The following GPR137B variants were observed in gnomAD, a reference collection of about 807,000 sequenced individuals.
The protein encoded by GPR137B is integral membrane protein GPR137B.
In GPR137B, 42 loss-of-function variants were observed where a neutral mutation model predicts 42.5. The ratio of observed to expected loss-of-function variants is 0.99; its 90% CI spans 0.77 to 1.28. The LOEUF is 1.28. Among genes scored for constraint, GPR137B ranks in the 50% most tolerant of loss-of-function variants. GPR137B has a pLI of 0.00. For synonymous variants in GPR137B, 218 were observed against 209.7 expected, an observed-to-expected ratio of 1.04 and a Z score of -0.34; for missense variants, 487 against 493.9, an observed-to-expected ratio of 0.99 and a Z score of 0.13.
At chr1:236,192,786 G>A (rs1663230945) in intron 5 of GPR137B, among the ~76,000 whole-genome samples, 1 of 152,022 alleles carries the variant, frequency 6.6e-6, no homozygotes, top group South Asian at 2.1e-4. Context: ...TTCCTATTCG[G>A]CCATCTAATA....
At chr1:236,169,402 A>T (rs1662467753) in intron 2 of GPR137B, among the ~76,000 whole-genome samples, 3 of 152,270 alleles carry the variant, frequency 2.0e-5, no homozygotes, top group African/African-American at 7.2e-5. Flanking sequence ...CAGGGTATCC[A>T]TCCACATCCA....
In GPR137B at chr1:236,208,130, T is replaced by C. The variant is rs189463214; in HGVS notation, c.1172T>C (p.Leu391Ser). Residue 391 changes from leucine (L) to serine (S), a missense_variant, in exon 7 of 7, where the codon TTG becomes TCG. Transcript: ENST00000366592. The part of the protein sequence containing the change: ...AQAGTLQDST[L>S]DPDKPSLG The stretch of plus-strand genomic sequence containing the variant: ...GCAGGAACTTTGCAAGACTCAACTT[T>C]GGATCCTGACAAACCAAGCCTTGGG... 1.2e-6 allele frequency: 2 copies of C among 1,613,908 alleles called. No homozygotes were observed. Among genetic ancestry groups the C allele is most frequent in the East Asian group, 2.2e-5 (1 of 44,864 alleles).
chr1:236,143,146 A>G (rs993721972), intron 1 of GPR137B, 110 bp downstream of exon 1: 88 of 930,086 alleles, frequency 9.5e-5, no homozygotes, highest in Middle Eastern at 2.8e-4. Context: ...CCTAGGGCTG[A>G]GAGTGTAGGG....
chr1:236,175,866 T>C (rs956028418), intron 2 of GPR137B, among the ~76,000 whole-genome samples: 1 of 151,984 alleles, frequency 6.6e-6, no homozygotes, highest in Non-Finnish European at 1.5e-5. Flanking sequence ...TGGCTGAAGG[T>C]TGCATGCAAA....
Position 236,183,163 on chromosome 1 carries a change from G to A in GPR137B, c.838-615G>A, listed in dbSNP as rs141536412. On this transcript the variant is annotated intron_variant, in intron 4 of 6. Transcript: ENST00000366592. ...CCAAGCTCTCTGGCCATCTCACTGG[G>A]CCTCATACCAAACACCTTAGGCTCT... Among the ~76,000 whole-genome samples the A allele has an allele frequency of 6.0e-4, 91 of 152,274 alleles. No individual in the cohort carries two copies. In the South Asian group the frequency reaches 8.3e-3, roughly 14 times the overall value.
At chr1:236,187,992 C>T (rs1663081723) in intron 5 of GPR137B, among the ~76,000 whole-genome samples, 1 of 152,082 alleles carries the variant, frequency 6.6e-6, no homozygotes, top group African/African-American at 2.4e-5. Context: ...TGTTTGTGTC[C>T]TCTCTTATTT....
chr1:236,200,951 G>T (rs1215466818), intron 5 of GPR137B, among the ~76,000 whole-genome samples: 2 of 151,648 alleles, frequency 1.3e-5, no homozygotes, highest in Non-Finnish European at 2.9e-5. Context: ...CTTTAAGGAG[G>T]TTCTATTCTG....
rs1040564576 is a variant in GPR137B at position 236,155,482 on chromosome 1, T to C, written c.414+12446T>C. 6.6e-6 allele frequency among the ~76,000 whole-genome samples: 1 copy of C among 151,910 alleles called. No individual in the cohort carries two copies. Among genetic ancestry groups the C allele is most frequent in the Non-Finnish European group, 1.5e-5 (1 of 67,980 alleles). The stretch of plus-strand genomic sequence containing the variant: ...AAGCAGGGAGACTGAAGGACGGCGT[T>C]TGGTGTGGCTTTAGGTTGACTTGGA... On this transcript the variant is annotated intron_variant, in intron 1 of 6. Transcript: ENST00000366592. The surrounding 1 kb of genome is among the most constrained non-coding windows in gnomAD (Gnocchi z 4.6).
intron 1 of GPR137B, among the ~76,000 whole-genome samples, chr1:236,167,884 G>C (rs1439204210): frequency 1.3e-5 from 2 of 152,186 alleles, no homozygotes; most frequent in African/African-American, 4.8e-5. Flanking sequence ...CGAAGGCTCT[G>C]CCAGGCTCTC....
At chr1:236,192,624 G>A (rs1346418800) in intron 5 of GPR137B, among the ~76,000 whole-genome samples, 1 of 152,026 alleles carries the variant, frequency 6.6e-6, no homozygotes, top group Non-Finnish European at 1.5e-5. Flanking sequence ...CTTCTCGATC[G>A]AGGCGACACC....
At chr1:236,205,979 TAG>T (rs1663649356) in intron 6 of GPR137B, among the ~76,000 whole-genome samples, 1 of 152,242 alleles carries the variant, frequency 6.6e-6, no homozygotes, top group Non-Finnish European at 1.5e-5. Flanking sequence ...GTTCTAAAGC[TAG>T]AGAGTAAATG....
At chr1:236,179,820 G>A in intron 3 of GPR137B, 59 bp from the exon 4 acceptor site, 1 of 1,303,650 alleles carries the variant, frequency 7.7e-7, no homozygotes, top group Non-Finnish European at 1.0e-6. Context: ...TGGGGGCTGG[G>A]GAAGGGGCTG....
chr1:236,193,385 ATTC>A (rs1440281670), intron 5 of GPR137B, among the ~76,000 whole-genome samples: 1 of 152,090 alleles, frequency 6.6e-6, no homozygotes, highest in Non-Finnish European at 1.5e-5. Context: ...TCTCGGGTAT[ATTC>A]TTAGGAGTGG....
intron 5 of GPR137B, among the ~76,000 whole-genome samples, chr1:236,196,287 G>A (rs1259715981): frequency 6.6e-6 from 1 of 151,934 alleles, no homozygotes; most frequent in Non-Finnish European, 1.5e-5. Flanking sequence ...CTACAGGCAT[G>A]AGCTACCACA....
rs1345023367 is a variant in GPR137B at position 236,208,324 on chromosome 1, A to G, written c.*166A>G. 7 of 1,376,688 alleles carry G rather than the reference A, an allele frequency of 5.1e-6. No individual in the cohort carries two copies. The highest frequency in any genetic ancestry group is 6.6e-6 in the Non-Finnish European group (7 of 1,065,394). 85.3% of individuals were successfully genotyped at this position (1,376,688 alleles called of 1,614,324 possible). ...AATAAGCAATAATGTAGACTGATAA[A>G]CCCTTATTTTAGTACTAAAGAGGGA... On this transcript the variant is annotated 3_prime_UTR_variant, in exon 7 of 7. Transcript: ENST00000366592.
In GPR137B at chr1:236,208,216, T is replaced by TGACA; in HGVS notation, c.*60_*63dup. The stretch of plus-strand genomic sequence containing the variant: ...GATGAAAAGCTTCAGAAAAGCATAG[T>TGACA]GACAGCTGAATTTTTAGGGCACTTT... On this transcript the variant is annotated 3_prime_UTR_variant, in exon 7 of 7. Coordinates refer to ENST00000366592, the MANE Select transcript of GPR137B (RefSeq NM_003272.4). 1 of 1,577,936 alleles carries TGACA rather than the reference T, an allele frequency of 6.3e-7. No homozygotes were observed. The highest frequency in any genetic ancestry group is 1.4e-5 in the African/African-American group (1 of 72,990).
chr1:236,174,895 G>C (rs899785249), intron 2 of GPR137B, among the ~76,000 whole-genome samples: 11 of 152,282 alleles, frequency 7.2e-5, no homozygotes, highest in Admixed American at 7.2e-4. Context: ...TGGCTTGAGG[G>C]GGCAGGGCCT....
At chr1:236,192,701 C>T (rs1572002755) in intron 5 of GPR137B, among the ~76,000 whole-genome samples, 1 of 152,094 alleles carries the variant, frequency 6.6e-6, no homozygotes, top group African/African-American at 2.4e-5. Context: ...TGAGAAGAAC[C>T]AGGTACCTCA....
In GPR137B at chr1:236,208,065, CTA is replaced by C. The variant is rs753341286; in HGVS notation, c.1109_1110del (p.Tyr370Ter). On this transcript the variant is annotated frameshift_variant, in exon 7 of 7. Coordinates refer to ENST00000366592, the MANE Select transcript of GPR137B (RefSeq NM_003272.4). LOFTEE classifies it high-confidence loss of function. ...TCTTTTTAAGTTTTGCTCCAGATTACTATGATTGGGGACAACAAACTAACAGC... is the reference window on the plus strand; with the variant it reads ...TCTTTTTAAGTTTTGCTCCAGATTACTGATTGGGGACAACAAACTAACAGC... ...GLQGGFAPDY[Y>X]DWGQQTNSFL... 1 of 1,612,338 alleles carries C rather than the reference CTA, an allele frequency of 6.2e-7. No individual in the cohort carries two copies. Among genetic ancestry groups the C allele is most frequent in the Non-Finnish European group, 8.5e-7 (1 of 1,178,516 alleles).
Sources: gnomAD v4.1 joint callset for allele counts (sites outside exome capture counted in the v4.1 genomes callset) on GRCh38, gnomAD v4.1.1 for gene constraint, Gnocchi (gnomAD v3.1) non-coding constraint, MANE v1.5 for transcripts, NCBI Gene and HGNC (gene_info 2026-07-23, HGNC 2026-07-21) for gene names.